Variants in MGMT observed in about 807,000 individuals in gnomAD.
The protein encoded by MGMT is methylated-DNA--protein-cysteine methyltransferase.
Under a neutral mutation model 15.9 loss-of-function variants are expected in MGMT, and 14 were observed. The ratio of observed to expected loss-of-function variants is 0.88; its 90% confidence interval spans 0.58 to 1.37. The LOEUF (loss-of-function observed/expected upper bound fraction) is 1.37. Ranked by LOEUF, MGMT falls within the 40% of genes most tolerant of loss-of-function variation. MGMT has a pLI of 0.00. For missense variants in MGMT, 282 were observed against 268.1 expected, an observed-to-expected ratio of 1.05 and a Z score of -0.36; for synonymous variants, 130 against 118.2, an observed-to-expected ratio of 1.10 and a Z score of -0.65.
chr10:129,514,150 C>T (rs1845713257), intron 1 of MGMT, among the ~76,000 whole-genome samples: 1 of 152,160 alleles, frequency 6.6e-6, no homozygotes, highest in Non-Finnish European at 1.5e-5. Flanking sequence ...TTTGTAATAA[C>T]ATTCACAAAG....
intron 3 of MGMT, among the ~76,000 whole-genome samples, chr10:129,757,510 G>A (rs1179992451): frequency 6.6e-6 from 1 of 152,196 alleles, no homozygotes; most frequent in Non-Finnish European, 1.5e-5. Context: ...GCCGAGGAAG[G>A]CAGGAAATTG....
chr10:129,572,158 A>G (rs1846427460), intron 2 of MGMT, among the ~76,000 whole-genome samples: 1 of 152,206 alleles, frequency 6.6e-6, no homozygotes, highest in Non-Finnish European at 1.5e-5. Flanking sequence ...AGTTTTAAAT[A>G]AACGGCTTTG....
chr10:129,637,490 A>C (rs1847275730), intron 2 of MGMT, among the ~76,000 whole-genome samples: 1 of 152,046 alleles, frequency 6.6e-6, no homozygotes, highest in Admixed American at 6.6e-5. Flanking sequence ...TTTCATTACG[A>C]TTTTAGGAGG....
intron 2 of MGMT, among the ~76,000 whole-genome samples, chr10:129,596,556 C>T (rs980829265): frequency 2.0e-5 from 3 of 152,164 alleles, no homozygotes; most frequent in Admixed American, 6.5e-5. Context: ...TCCTGCTGCA[C>T]CTGGGCGGGG....
At chr10:129,662,854 A>G (rs1464103024) in intron 2 of MGMT, among the ~76,000 whole-genome samples, 2 of 152,232 alleles carry the variant, frequency 1.3e-5, no homozygotes, top group Admixed American at 6.5e-5. Context: ...AAATGCTAAA[A>G]GTCACACTCA....
At chr10:129,523,203 G>A (rs763350560) in intron 1 of MGMT, among the ~76,000 whole-genome samples, 4 of 152,226 alleles carry the variant, frequency 2.6e-5, no homozygotes, top group Non-Finnish European at 5.9e-5. Flanking sequence ...GCGACCCGGC[G>A]GGGGCCTCGG....
intron 2 of MGMT, among the ~76,000 whole-genome samples, chr10:129,680,883 C>T (rs780783677): frequency 8.5e-5 from 13 of 152,310 alleles, no homozygotes; most frequent in Non-Finnish European, 1.5e-4. Context: ...GCCTTGGGCA[C>T]GCTGTGTGGA....
intron 1 of MGMT, among the ~76,000 whole-genome samples, chr10:129,475,975 G>A (rs1183710337): frequency 6.6e-6 from 1 of 152,178 alleles, no homozygotes; most frequent in East Asian, 1.9e-4. Context: ...TTTGCCAGGA[G>A]GCAGGACTTT....
At chr10:129,497,196 A>G (rs1412016893) in intron 1 of MGMT, among the ~76,000 whole-genome samples, 1 of 151,202 alleles carries the variant, frequency 6.6e-6, no homozygotes, top group East Asian at 1.9e-4. Flanking sequence ...AGCTCGTACC[A>G]CTCCCCCGTC....
At chr10:129,650,694 T>C (rs976498217) in intron 2 of MGMT, among the ~76,000 whole-genome samples, 2 of 152,204 alleles carry the variant, frequency 1.3e-5, no homozygotes, top group African/African-American at 2.4e-5. Flanking sequence ...ACGTCTTTCC[T>C]TGGTGTGGCC....
chr10:129,636,005 T>A (rs976750356), intron 2 of MGMT, among the ~76,000 whole-genome samples: 7 of 152,272 alleles, frequency 4.6e-5, no homozygotes, highest in Admixed American at 2.6e-4. Context: ...AAAATATGCA[T>A]GCTCTTGGCC....
chr10:129,763,376 G>A (rs1019662271), intron 4 of MGMT, among the ~76,000 whole-genome samples: 4 of 152,188 alleles, frequency 2.6e-5, no homozygotes, highest in African/African-American at 4.8e-5. Context: ...CAGAAGCAGC[G>A]TTCCCTATTT....
rs1589985571 is a variant in MGMT, at chr10:129,769,545, A to C, written c.*2548A>C. ...CCGAGACCCGCCGTGCACGACAGCC[A>C]CCTCGCAGCCACTCAGACCGGCGGA... On this transcript the variant is annotated 3_prime_UTR_variant, in exon 5 of 5. Coordinates refer to ENST00000651593, the MANE Select transcript of MGMT (RefSeq NM_002412.5). 6.6e-6 allele frequency: 1 copy of C among 151,328 alleles called. No homozygotes were observed. Among genetic ancestry groups the C allele is most frequent in the Non-Finnish European group, 1.5e-5 (1 of 67,982 alleles). The allele number at this position is 151,328 out of a possible 1,614,324, so 9.4% of individuals were successfully genotyped here. A position where few individuals can be genotyped will look rare whatever the true frequency, so the allele number is the denominator to read the frequency against.
intron 2 of MGMT, among the ~76,000 whole-genome samples, chr10:129,586,504 C>T (rs755859857): frequency 6.6e-6 from 1 of 152,162 alleles, no homozygotes; most frequent in Middle Eastern, 3.2e-3. Flanking sequence ...ATAGTCTCTT[C>T]GTGTCTGAGT....
chr10:129,651,823 A>G lies in MGMT; in HGVS notation c.126-56072A>G, dbSNP rs142036217. Among the ~76,000 whole-genome samples, 584 of 152,348 alleles carry G rather than the reference A, an allele frequency of 3.8e-3. 14 individuals are homozygous for G. Among genetic ancestry groups the G allele is most frequent in the East Asian group, 5.8e-4 (3 of 5,178 alleles). ...AGTTCTTCATTCGAGAGCATGTGCT[A>G]GTTAAAAAGAAAGAAAAAAGATATC... is the stretch of plus-strand genomic sequence containing the variant. On this transcript the variant is annotated intron_variant, in intron 2 of 4. Transcript: ENST00000651593.
intron 1 of MGMT, among the ~76,000 whole-genome samples, chr10:129,496,478 C>T (rs185350378): frequency 4.6e-5 from 7 of 152,286 alleles, no homozygotes; most frequent in Admixed American, 3.3e-4. Context: ...GTTATCCTAG[C>T]GGTGCTTGCA....
At chr10:129,494,536 C>T (rs1845501622) in intron 1 of MGMT, among the ~76,000 whole-genome samples, 1 of 152,222 alleles carries the variant, frequency 6.6e-6, no homozygotes, top group South Asian at 2.1e-4. Context: ...GGCTTTCCAA[C>T]AGAAGTTTTT....
chr10:129,565,292 T>TAA (rs11429171), intron 2 of MGMT, among the ~76,000 whole-genome samples: 159 of 136,304 alleles, frequency 1.2e-3, no homozygotes, highest in African/African-American at 3.1e-3. Context: ...TAAAAGACAG[T>TAA]AAAAAAAAAA....
chr10:129,469,403 G>T (rs1845205635), intron 1 of MGMT, among the ~76,000 whole-genome samples: 1 of 152,108 alleles, frequency 6.6e-6, no homozygotes, highest in Non-Finnish European at 1.5e-5. Flanking sequence ...GAAAAAAAAT[G>T]GAGGCAAAAC....
Sources: allele counts gnomAD v4.1 joint callset (sites outside exome capture counted in the v4.1 genomes callset), GRCh38; gene constraint gnomAD v4.1.1; transcripts MANE v1.5; gene names NCBI Gene and HGNC (gene_info 2026-07-23, HGNC 2026-07-21).